Variants in ZDHHC20 observed in about 807,000 individuals in gnomAD.
ZDHHC20 encodes palmitoyltransferase ZDHHC20.
A neutral mutation model predicts 57.8 loss-of-function variants in ZDHHC20; 43 were observed. That is an observed-to-expected ratio of 0.74 (90% confidence interval 0.58 to 0.96). ZDHHC20 has a LOEUF of 0.96. Ranked by LOEUF, ZDHHC20 falls within the 40% of genes least tolerant of loss-of-function variation. ZDHHC20 has a pLI of 0.00. For missense variants in ZDHHC20, 391 were observed against 441.1 expected (o/e 0.89, Z 1.02); for synonymous variants, 157 against 153.0 (o/e 1.03, Z -0.19).
At chr13:21,376,676 T>C in intron 12 of ZDHHC20, 21 bp from the exon 13 acceptor site, 1 of 1,391,802 alleles carries the variant, frequency 7.2e-7, no homozygotes, top group Non-Finnish European at 9.7e-7. Flanking sequence ...AGAAACAAAT[T>C]ATTGGTTAAA....
intron 1 of ZDHHC20, among the ~76,000 whole-genome samples, chr13:21,427,793 C>T (rs147907156): frequency 6.8e-6 from 1 of 146,770 alleles, no homozygotes; most frequent in Non-Finnish European, 1.5e-5. Flanking sequence ...CAAGACTGCA[C>T]CACTGCACTC....
At position 21,391,822 on chromosome 13, in the gene ZDHHC20, G is replaced by A. The variant is rs368814710; in HGVS notation, c.627C>T (p.His209=). The A allele has an allele frequency of 1.2e-5, 19 of 1,612,746 alleles. No individual in the cohort carries two copies. Among genetic ancestry groups the A allele is most frequent in the Non-Finnish European group, 1.5e-5 (18 of 1,179,534 alleles). Residue 209 remains histidine, a synonymous_variant, in exon 8 of 13, where the codon CAC becomes CAT. Transcript: ENST00000400590. ...CAGACACAAAGAAAAGAAAAAGTACGTGGAATTTTGCACGTGTATCTGTCA... is the reference window on the plus strand; with the variant it reads ...CAGACACAAAGAAAAGAAAAAGTACATGGAATTTTGCACGTGTATCTGTCA... The part of the protein sequence containing the change: ...NELTDTRAKF[H]VLFLFFVSAM...
intron 4 of ZDHHC20, among the ~76,000 whole-genome samples, chr13:21,403,751 G>A (rs185396073): frequency 2.7e-4 from 41 of 152,246 alleles, no homozygotes; most frequent in Admixed American, 7.9e-4. Context: ...GCAGTTGCAC[G>A]ATCTCGGCTC....
chr13:21,425,800 T>C (rs543889591), intron 1 of ZDHHC20, 122 bp from the exon 2 acceptor site: 2 of 658,398 alleles, frequency 3.0e-6, no homozygotes, highest in African/African-American at 1.9e-5. Context: ...TTATAAATTG[T>C]AGACACTAAT....
At chr13:21,453,136 C>T (rs1331675653) in intron 1 of ZDHHC20, among the ~76,000 whole-genome samples, 1 of 152,148 alleles carries the variant, frequency 6.6e-6, no homozygotes, top group African/African-American at 2.4e-5. Flanking sequence ...ATACATCATG[C>T]TCACAATAAT....
At chr13:21,457,529 G>C (rs1245125163) in intron 1 of ZDHHC20, among the ~76,000 whole-genome samples, 1 of 152,078 alleles carries the variant, frequency 6.6e-6, no homozygotes, top group Non-Finnish European at 1.5e-5. Flanking sequence ...GTATCCAAAA[G>C]CATGAGACTA....
intron 9 of ZDHHC20, among the ~76,000 whole-genome samples, chr13:21,384,310 T>C (rs773141960): frequency 1.3e-5 from 2 of 151,764 alleles, no homozygotes; most frequent in Non-Finnish European, 2.9e-5. Flanking sequence ...TGTGGTGGCA[T>C]GCGCCTGTAA....
chr13:21,385,157 G>A (rs188172060), intron 9 of ZDHHC20, among the ~76,000 whole-genome samples: 4 of 152,244 alleles, frequency 2.6e-5, no homozygotes, highest in Admixed American at 1.3e-4. Context: ...GGCCAGGCAC[G>A]GTGGTTCATG....
chr13:21,402,017 T>C (rs1365667057), intron 5 of ZDHHC20, among the ~76,000 whole-genome samples: 1 of 151,988 alleles, frequency 6.6e-6, no homozygotes, highest in Non-Finnish European at 1.5e-5. Flanking sequence ...ATAGGATCAT[T>C]TGAGGTCATG....
chr13:21,377,886 T>G (rs1872522744), intron 12 of ZDHHC20: 1 of 152,380 alleles, frequency 6.6e-6, no homozygotes, highest in Non-Finnish European at 1.5e-5. Flanking sequence ...ATAAGCTCCA[T>G]GTTTGTGGTA....
At chr13:21,441,219 T>G (rs1434567439) in intron 1 of ZDHHC20, among the ~76,000 whole-genome samples, 1 of 152,234 alleles carries the variant, frequency 6.6e-6, no homozygotes, top group East Asian at 1.9e-4. Flanking sequence ...ATTCTGTCTA[T>G]GAACGTAAAG....
intron 1 of ZDHHC20, among the ~76,000 whole-genome samples, chr13:21,450,623 A>T (rs972369339): frequency 5.3e-5 from 8 of 152,268 alleles, no homozygotes; most frequent in African/African-American, 1.9e-4. Flanking sequence ...GTAAAAGAGA[A>T]GGCTAAGGTA....
intron 5 of ZDHHC20, among the ~76,000 whole-genome samples, chr13:21,402,304 G>T (rs1354919468): frequency 6.6e-6 from 1 of 151,852 alleles, no homozygotes; most frequent in African/African-American, 2.4e-5. Context: ...AAGCACTACT[G>T]TATTTTTGTA....
chr13:21,432,970 C>T (rs1882145824), intron 1 of ZDHHC20, among the ~76,000 whole-genome samples: 1 of 152,162 alleles, frequency 6.6e-6, no homozygotes, highest in Admixed American at 6.5e-5. Flanking sequence ...CTATTTTGTT[C>T]CACTGGTCTA....
At chr13:21,389,039 C>A (rs1464273285) in intron 8 of ZDHHC20, among the ~76,000 whole-genome samples, 1 of 152,068 alleles carries the variant, frequency 6.6e-6, no homozygotes, top group African/African-American at 2.4e-5. Flanking sequence ...ATAACATATT[C>A]AAGTTTAAAA....
intron 1 of ZDHHC20, among the ~76,000 whole-genome samples, chr13:21,435,751 A>G (rs1243254952): frequency 6.6e-6 from 1 of 152,342 alleles, no homozygotes; most frequent in Non-Finnish European, 1.5e-5. Context: ...TGCTAAAAGG[A>G]GTAAGTGAAA....
At chr13:21,404,210 G>A in intron 4 of ZDHHC20, 1 of 441,386 alleles carries the variant, frequency 2.3e-6, no homozygotes, top group South Asian at 1.6e-5. Context: ...TTTATGACTG[G>A]GTGCGGTGGC....
intron 7 of ZDHHC20, among the ~76,000 whole-genome samples, chr13:21,393,792 T>C (rs1236779997): frequency 7.0e-6 from 1 of 143,766 alleles, no homozygotes; most frequent in Non-Finnish European, 1.5e-5. Flanking sequence ...TCTTAAGTGA[T>C]CCTCCCGCCT....
intron 4 of ZDHHC20, among the ~76,000 whole-genome samples, chr13:21,410,937 G>A (rs1475992058): frequency 1.3e-5 from 2 of 152,320 alleles, no homozygotes; most frequent in South Asian, 4.1e-4. Flanking sequence ...CTAGCTCAGT[G>A]TCTGCCCAAA....
Sources: gnomAD v4.1 joint callset for allele counts (sites outside exome capture counted in the v4.1 genomes callset) on GRCh38, gnomAD v4.1.1 for gene constraint, MANE v1.5 for transcripts, NCBI Gene and HGNC (gene_info 2026-07-23, HGNC 2026-07-21) for gene names.